Variants in TG observed in about 807,000 individuals in gnomAD.
TG encodes thyroid hormones.
In TG, 270 loss-of-function variants were observed where a neutral mutation model predicts 324.7. That is an observed-to-expected ratio of 0.83 (90% confidence interval 0.75 to 0.92). TG has a LOEUF of 0.92. Ranked by LOEUF, TG falls within the 40% of genes least tolerant of loss-of-function variation. TG has a pLI of 0.00. For synonymous variants in TG, 1,401 were observed against 1,327.0 expected (o/e 1.06, Z -1.21); for missense variants, 3,591 against 3,456.4 (o/e 1.04, Z -0.98).
chr8:132,923,649 G>A, intron 22 of TG, 141 bp downstream of exon 22: 1 of 984,146 alleles, frequency 1.0e-6, no homozygotes, highest in Admixed American at 2.9e-5. Context: ...GTAGAAGTTG[G>A]AAGAACCGCA....
At chr8:132,937,777 A>G (rs1823823117) in intron 25 of TG, among the ~76,000 whole-genome samples, 1 of 151,658 alleles carries the variant, frequency 6.6e-6, no homozygotes, top group South Asian at 2.1e-4. Context: ...TTTTTTCAAC[A>G]TCACACAGAA....
At chr8:132,869,649 A>G in intron 2 of TG, 80 bp from the exon 3 acceptor site, 2 of 1,249,678 alleles carry the variant, frequency 1.6e-6, no homozygotes, top group Non-Finnish European at 2.4e-6. Context: ...GAAATGAAGA[A>G]GAAAAGTAGC....
chr8:133,116,474 A>C, intron 44 of TG, 135 bp from the exon 45 acceptor site: 1 of 734,636 alleles, frequency 1.4e-6, no homozygotes, highest in Non-Finnish European at 2.4e-6. Context: ...GGGAATGGGA[A>C]GAAGGTGTTC....
intron 35 of TG, among the ~76,000 whole-genome samples, chr8:132,989,907 C>T (rs1392654074): frequency 6.6e-6 from 1 of 152,154 alleles, no homozygotes; most frequent in Admixed American, 6.5e-5. Flanking sequence ...CCAGATTTCA[C>T]AGCCTCTTGA....
intron 22 of TG, among the ~76,000 whole-genome samples, chr8:132,924,979 C>T (rs1362312653): frequency 6.6e-6 from 1 of 152,166 alleles, no homozygotes; most frequent in African/African-American, 2.4e-5. Flanking sequence ...CCACCTTTCC[C>T]TGGAGCCACC....
chr8:133,003,816 G>C (rs941130740), intron 35 of TG, among the ~76,000 whole-genome samples: 2 of 152,088 alleles, frequency 1.3e-5, no homozygotes, highest in African/African-American at 4.8e-5. Context: ...CCCCTCAGCA[G>C]CTCTGGTTTG....
intron 41 of TG, among the ~76,000 whole-genome samples, chr8:133,057,444 A>G (rs570513829): frequency 9.2e-5 from 14 of 152,144 alleles, no homozygotes; most frequent in Admixed American, 7.2e-4. Context: ...CTTTTGGGGA[A>G]TGGCCATTTA....
At chr8:132,963,265 C>T (rs1300937871) in intron 29 of TG, among the ~76,000 whole-genome samples, 191 bp downstream of exon 29, 1 of 152,142 alleles carries the variant, frequency 6.6e-6, no homozygotes, top group Non-Finnish European at 1.5e-5. Context: ...GCAATTGTCA[C>T]AGAAAGTAAG....
intron 11 of TG, among the ~76,000 whole-genome samples, chr8:132,897,117 G>A (rs887564929): frequency 1.3e-5 from 2 of 152,218 alleles, no homozygotes; most frequent in African/African-American, 4.8e-5. Flanking sequence ...GGAAACCTAC[G>A]AGGGCAGCTG....
At chr8:132,977,562 A>G (rs1045764131) in intron 34 of TG, among the ~76,000 whole-genome samples, 18 of 152,178 alleles carry the variant, frequency 1.2e-4, no homozygotes, top group African/African-American at 3.9e-4. Flanking sequence ...ATGACTGAGG[A>G]AGCCTCACAA....
In TG at chr8:132,887,092, C is replaced by T; in HGVS notation, c.1720C>T (p.Leu574Phe). 1 of 1,614,218 alleles carries T rather than the reference C, an allele frequency of 6.2e-7. No homozygotes were observed. Among genetic ancestry groups the T allele is most frequent in the Non-Finnish European group, 8.5e-7 (1 of 1,180,036 alleles). ...CAAATTCCTTGCTTCTCTCCTGGAG[C>T]TTCCAGAATTCCTTCTCTTCTTGCA... Reference protein sequence around the residue: ...ALKFLASLLELPEFLLFLQHA... With the variant: ...ALKFLASLLEFPEFLLFLQHA... Residue 574 changes from leucine to phenylalanine, a missense_variant, in exon 9 of 48, where the codon CTT becomes TTT. Coordinates refer to ENST00000220616, the MANE Select transcript of TG (RefSeq NM_003235.5).
At chr8:132,995,522 A>T in intron 35 of TG, 1 of 985,338 alleles carries the variant, frequency 1.0e-6, no homozygotes, top group Non-Finnish European at 1.2e-6. Context: ...CTTAGATCAG[A>T]TTGGTTGTTC....
rs866844700 is a variant in TG, at chr8:132,967,860, C to T, written c.5753C>T (p.Thr1918Ile). ...EITESASLYF[T>I]CTLYPEAQVC... The stretch of plus-strand genomic sequence containing the variant: ...ACAGAGAGTGCATCCTTGTACTTCA[C>T]CTGCACCCTCTACCCAGAGGCACAG... Residue 1918 changes from threonine (T) to isoleucine (I), a missense_variant, in exon 31 of 48, where the codon ACC (threonine) becomes ATC (isoleucine). By Grantham distance (89) the Thr-to-Ile change is moderately conservative. Transcript: ENST00000220616. The T allele has an allele frequency of 6.2e-7, 1 of 1,613,994 alleles. No homozygotes were observed.
At chr8:133,049,941 C>T in intron 41 of TG, 1 of 1,613,784 alleles carries the variant, frequency 6.2e-7, no homozygotes, top group South Asian at 1.1e-5. Context: ...AGGGATGTAA[C>T]TCTCTCGACC....
chr8:132,893,635 CAG>C, intron 10 of TG, 53 bp from the exon 11 acceptor site: 2 of 1,611,370 alleles, frequency 1.2e-6, no homozygotes, highest in Non-Finnish European at 1.7e-6. Context: ...TCATGGGAGT[CAG>C]AGGGAAGTCC....
intron 35 of TG, among the ~76,000 whole-genome samples, chr8:132,986,715 G>A (rs1362982630): frequency 6.6e-6 from 1 of 152,122 alleles, no homozygotes; most frequent in Non-Finnish European, 1.5e-5. Context: ...CAGAAGACCA[G>A]ATTATTTCCT....
chr8:132,939,301 A>G (rs1824072304), intron 25 of TG, among the ~76,000 whole-genome samples: 1 of 152,222 alleles, frequency 6.6e-6, no homozygotes, highest in Non-Finnish European at 1.5e-5. Flanking sequence ...AAATAGTCAC[A>G]TAAGGCTATA....
intron 11 of TG, among the ~76,000 whole-genome samples, chr8:132,897,191 T>C (rs1468058541): frequency 1.3e-5 from 2 of 152,372 alleles, no homozygotes; most frequent in East Asian, 3.9e-4. Flanking sequence ...AACCCTTGGT[T>C]AAGTTGCTTA....
At chr8:133,016,241 C>G (rs1305263474) in intron 37 of TG, among the ~76,000 whole-genome samples, 2 of 152,218 alleles carry the variant, frequency 1.3e-5, no homozygotes, top group Non-Finnish European at 2.9e-5. Flanking sequence ...ACATGATACC[C>G]AGGCTTCTCA....
Sources: allele counts gnomAD v4.1 joint callset (sites outside exome capture counted in the v4.1 genomes callset), GRCh38; gene constraint gnomAD v4.1.1; transcripts MANE v1.5; gene names NCBI Gene and HGNC (gene_info 2026-07-23, HGNC 2026-07-21).